PTPRD: variants seen among roughly 807,000 people sequenced by gnomAD.
PTPRD encodes protein tyrosine phosphatase receptor type D.
A neutral mutation model predicts 214.5 loss-of-function variants in PTPRD; 34 were observed. That is an observed-to-expected ratio of 0.16 (90% CI 0.12 to 0.21). The LOEUF is 0.21. Ranked by LOEUF, PTPRD falls within the 10% of genes least tolerant of loss-of-function variation. The pLI is 1.00. For synonymous variants in PTPRD, 1,128 were observed against 845.7 expected, an observed-to-expected ratio of 1.33 and a Z score of -5.79; for missense variants, 2,545 against 2,398.7, an observed-to-expected ratio of 1.06 and a Z score of -1.27.
intron 7 of PTPRD, among the ~76,000 whole-genome samples, chr9:9,718,544 G>A (rs1474502746): frequency 6.6e-6 from 1 of 152,166 alleles, no homozygotes; most frequent in Non-Finnish European, 1.5e-5. Flanking sequence ...CCAGACCCAG[G>A]CATCCCTGTG....
chr9:8,483,986 C>G, intron 30 of PTPRD, 133 bp downstream of exon 30: 1 of 1,164,542 alleles, frequency 8.6e-7, no homozygotes, highest in Non-Finnish European at 1.2e-6. Context: ...GATAGCAAAA[C>G]TGGGAGTCTG....
At chr9:9,648,697 A>G (rs1451135460) in intron 7 of PTPRD, among the ~76,000 whole-genome samples, 2 of 152,206 alleles carry the variant, frequency 1.3e-5, no homozygotes, top group African/African-American at 2.4e-5. Context: ...CTAATTAGCC[A>G]TGAATTGCAG....
At chr9:8,516,057 G>C (rs1297675226) in intron 21 of PTPRD, among the ~76,000 whole-genome samples, 1 of 152,134 alleles carries the variant, frequency 6.6e-6, no homozygotes, top group Non-Finnish European at 1.5e-5. Context: ...AATTTAAAAA[G>C]CTCAAAGTGG....
At chr9:9,672,506 T>C (rs1426424247) in intron 7 of PTPRD, among the ~76,000 whole-genome samples, 1 of 152,166 alleles carries the variant, frequency 6.6e-6, no homozygotes, top group East Asian at 1.9e-4. Context: ...CCAGCAAAGT[T>C]AGTAGCTTGC....
chr9:9,158,875 T>A (rs934691941), intron 10 of PTPRD, among the ~76,000 whole-genome samples: 2 of 152,152 alleles, frequency 1.3e-5, no homozygotes, highest in African/African-American at 4.8e-5. Flanking sequence ...CAAGTGGGAT[T>A]TATCCTTGGG....
At chr9:10,086,785 T>G (rs1201654666) in intron 3 of PTPRD, among the ~76,000 whole-genome samples, 1 of 151,872 alleles carries the variant, frequency 6.6e-6, no homozygotes, top group Non-Finnish European at 1.5e-5. Flanking sequence ...AACTTTTCTT[T>G]CATAATTTGC....
chr9:8,966,977 T>A (rs185779881), intron 11 of PTPRD, among the ~76,000 whole-genome samples: 111 of 150,860 alleles, frequency 7.4e-4, no homozygotes, highest in African/African-American at 2.6e-3. Flanking sequence ...CATGAAAAAA[T>A]GGACCATAGA....
At chr9:8,552,984 A>T (rs1304326829) in intron 14 of PTPRD, among the ~76,000 whole-genome samples, 4 of 152,180 alleles carry the variant, frequency 2.6e-5, no homozygotes, top group African/African-American at 9.7e-5. Flanking sequence ...GCCATCAGCT[A>T]CCCTGCCACA....
intron 3 of PTPRD, among the ~76,000 whole-genome samples, chr9:10,084,743 A>G (rs2098301723): frequency 6.6e-6 from 1 of 151,988 alleles, no homozygotes; most frequent in Admixed American, 6.6e-5. Context: ...GATAATATGT[A>G]AAACATCAGT....
At chr9:9,358,367 T>C (rs1186917656) in intron 9 of PTPRD, among the ~76,000 whole-genome samples, 6 of 151,368 alleles carry the variant, frequency 4.0e-5, no homozygotes, top group Admixed American at 1.3e-4. Context: ...AAAATATAAT[T>C]GCTTACTATA....
intron 11 of PTPRD, among the ~76,000 whole-genome samples, chr9:8,806,773 C>G (rs1322848045): frequency 1.3e-5 from 2 of 152,070 alleles, no homozygotes; most frequent in African/African-American, 2.4e-5. Context: ...ACTTAGATTA[C>G]TGTTAGAAAT....
At position 9,566,342 on chromosome 9, in the gene PTPRD, T is replaced by G. The variant is rs527414590; in HGVS notation, c.-237+8390A>C. 6.9e-4 allele frequency among the ~76,000 whole-genome samples: 105 copies of G among 152,142 alleles called. 1 individual carries two copies. The highest frequency in any genetic ancestry group is 3.2e-3 in the Admixed American group (49 of 15,244). ...AATACACAACTATAAGAATTTTATTTGTTTAATGTACAATGAGCTTAAATT... is the reference window on the plus strand; with the variant it reads ...AATACACAACTATAAGAATTTTATTGGTTTAATGTACAATGAGCTTAAATT... On this transcript the variant is annotated intron_variant, in intron 8 of 45. Coordinates refer to ENST00000381196, the MANE Select transcript of PTPRD (RefSeq NM_002839.4).
chr9:8,776,709 G>C (rs770255887), intron 11 of PTPRD, among the ~76,000 whole-genome samples: 1 of 151,378 alleles, frequency 6.6e-6, no homozygotes, highest in Non-Finnish European at 1.5e-5. Context: ...GAGAGGCAGG[G>C]ATTCCATTCA....
chr9:8,924,197 C>T (rs9299077), intron 11 of PTPRD, among the ~76,000 whole-genome samples: 98,104 of 151,904 alleles, frequency 0.65, 31,976 homozygotes, highest in East Asian at 0.76. Context: ...AATAAGTCTA[C>T]AGTACTGAAA....
intron 12 of PTPRD, among the ~76,000 whole-genome samples, chr9:8,639,193 T>C (rs566559436): frequency 1.3e-5 from 2 of 152,370 alleles, no homozygotes; most frequent in African/African-American, 2.4e-5. Flanking sequence ...ACACTGTACA[T>C]TGATGTCACT....
At chr9:9,209,177 T>A (rs540194874) in intron 9 of PTPRD, among the ~76,000 whole-genome samples, 9 of 152,236 alleles carry the variant, frequency 5.9e-5, no homozygotes, top group African/African-American at 2.2e-4. Flanking sequence ...GAGATCTGAA[T>A]CTTACTAAGC....
At chr9:10,276,769 G>A (rs566823525) in intron 3 of PTPRD, among the ~76,000 whole-genome samples, 1 of 152,154 alleles carries the variant, frequency 6.6e-6, no homozygotes, top group African/African-American at 2.4e-5. Flanking sequence ...AGAAAGTAAA[G>A]TACTCTTATT....
At chr9:9,417,123 T>C (rs893764115) in intron 8 of PTPRD, among the ~76,000 whole-genome samples, 3 of 152,118 alleles carry the variant, frequency 2.0e-5, no homozygotes, top group Non-Finnish European at 2.9e-5. Flanking sequence ...GGCGGACACA[T>C]AAGGCAGCCA....
At chr9:9,484,354 T>C (rs1396489090) in intron 8 of PTPRD, among the ~76,000 whole-genome samples, 2 of 152,182 alleles carry the variant, frequency 1.3e-5, no homozygotes, top group Non-Finnish European at 2.9e-5. Context: ...ATAGACATGG[T>C]AATAGAATCA....
Sources: allele counts gnomAD v4.1 joint callset (sites outside exome capture counted in the v4.1 genomes callset), GRCh38; gene constraint gnomAD v4.1.1; transcripts MANE v1.5; gene names NCBI Gene and HGNC (gene_info 2026-07-23, HGNC 2026-07-21).